Variants in THSD7B observed in about 807,000 individuals in gnomAD.
The protein encoded by THSD7B is thrombospondin type-1 domain-containing protein 7B.
In THSD7B, 138 loss-of-function variants were observed where a neutral mutation model predicts 213.6. That is an observed-to-expected ratio of 0.65 (90% CI 0.56 to 0.74). THSD7B has a LOEUF of 0.74. Among genes scored for constraint, THSD7B ranks in the 30% least tolerant of loss-of-function variants. THSD7B has a pLI of 0.00. For missense variants in THSD7B, 1,931 were observed against 1,991.5 expected (o/e 0.97, Z 0.58); for synonymous variants, 742 against 687.0 (o/e 1.08, Z -1.25).
At chr2:137,322,982 C>G (rs973586020) in intron 12 of THSD7B, among the ~76,000 whole-genome samples, 2 of 152,144 alleles carry the variant, frequency 1.3e-5, no homozygotes, top group Admixed American at 6.6e-5. Context: ...AAAGCTCTAT[C>G]GACAGGACAG....
At chr2:136,779,054 A>G (rs1681670759) in intron 1 of THSD7B, among the ~76,000 whole-genome samples, 1 of 152,218 alleles carries the variant, frequency 6.6e-6, no homozygotes, top group Non-Finnish European at 1.5e-5. Context: ...CAGAGCTGGC[A>G]TTAAGTTTAT....
At chr2:137,275,486 T>C (rs571782014) in intron 11 of THSD7B, among the ~76,000 whole-genome samples, 2 of 151,978 alleles carry the variant, frequency 1.3e-5, no homozygotes, top group Admixed American at 1.3e-4. Flanking sequence ...ACCTTTATTC[T>C]CTAACGCACC....
In THSD7B at chr2:137,497,335, C is replaced by T. The variant is rs138576636; in HGVS notation, c.3138+46312C>T. ...TTAATATAATTAACTTTTCTTTCAA[C>T]TACAGTCTGGTAAAATAATCGTAGA... is the stretch of plus-strand genomic sequence containing the variant. On this transcript the variant is annotated intron_variant, in intron 15 of 27. Transcript: ENST00000409968. 4.9e-3 allele frequency among the ~76,000 whole-genome samples: 741 copies of T among 152,116 alleles called. 5 individuals carry two copies. The highest frequency in any genetic ancestry group is 0.017 in the African/African-American group (705 of 41,496).
intron 1 of THSD7B, among the ~76,000 whole-genome samples, chr2:136,811,344 C>T (rs1682371853): frequency 6.6e-6 from 1 of 152,050 alleles, no homozygotes; most frequent in South Asian, 2.1e-4. Flanking sequence ...AAATTCACAG[C>T]ACATGGGAGG....
rs1183493717 is a variant in THSD7B at position 136,904,776 on chromosome 2, T to G, written c.139+22459T>G. Among the ~76,000 whole-genome samples the G allele has an allele frequency of 2.0e-5, 3 of 150,752 alleles. No homozygotes were observed. In the East Asian group the frequency reaches 5.9e-4, roughly 30 times the overall value. On this transcript the variant is annotated intron_variant, in intron 2 of 27. Coordinates refer to ENST00000409968, the MANE Select transcript of THSD7B (RefSeq NM_001316349.2). ...ATAATTCTGAAGGAAATGAAATAAG[T>G]TGGATAAAGAAGACAGAGAAATCTG... is the stretch of plus-strand genomic sequence containing the variant.
intron 12 of THSD7B, 145 bp downstream of exon 12, chr2:137,276,171 G>A (rs1682866150): frequency 4.6e-6 from 3 of 648,000 alleles, no homozygotes; most frequent in Non-Finnish European, 7.5e-6. Flanking sequence ...AATATAAATA[G>A]GATTTGGCAT....
intron 16 of THSD7B, among the ~76,000 whole-genome samples, chr2:137,570,639 T>C (rs1188402386): frequency 6.6e-6 from 1 of 152,216 alleles, no homozygotes; most frequent in African/African-American, 2.4e-5. Context: ...AGCGTATTGT[T>C]ATTAAAGTGC....
intron 13 of THSD7B, 60 bp downstream of exon 13, chr2:137,405,867 G>A (rs901582289): frequency 6.9e-7 from 1 of 1,457,334 alleles, no homozygotes; most frequent in Admixed American, 2.3e-5. Flanking sequence ...GATCTTTTGT[G>A]TAGAATATGA....
intron 15 of THSD7B, among the ~76,000 whole-genome samples, chr2:137,563,009 T>A (rs1436287023): frequency 1.3e-5 from 2 of 152,148 alleles, no homozygotes; most frequent in African/African-American, 2.4e-5. Context: ...CATGCCATCA[T>A]ATTTTAGTTG....
At chr2:136,938,339 A>G (rs56167922) in intron 2 of THSD7B, among the ~76,000 whole-genome samples, 15,477 of 152,260 alleles carry the variant, frequency 0.1, 1,023 homozygotes, top group East Asian at 0.16. Context: ...GGTAGAACCC[A>G]GAGACTGAGG....
At chr2:137,341,529 AATGTC>A (rs1407990189) in intron 12 of THSD7B, among the ~76,000 whole-genome samples, 2 of 151,624 alleles carry the variant, frequency 1.3e-5, no homozygotes, top group African/African-American at 2.4e-5. Flanking sequence ...TGCCTAGATC[AATGTC>A]ATGTAGTTTT....
chr2:137,610,761 A>AT (rs561485900), intron 17 of THSD7B, among the ~76,000 whole-genome samples: 3,072 of 150,000 alleles, frequency 0.02, 46 homozygotes, highest in Middle Eastern at 0.072. Context: ...TAAGAATCAC[A>AT]TTTTTTTTTG....
intron 20 of THSD7B, among the ~76,000 whole-genome samples, chr2:137,623,028 AAG>A (rs1307871966): frequency 1.1e-4 from 17 of 152,344 alleles, no homozygotes; most frequent in Non-Finnish European, 1.8e-4. Context: ...ACAACAAAAA[AAG>A]AGAATTTTAG....
intron 2 of THSD7B, among the ~76,000 whole-genome samples, chr2:137,021,409 G>A (rs1210650487): frequency 1.3e-5 from 2 of 152,078 alleles, no homozygotes. Context: ...ACCATTACCT[G>A]AACAGTGTGC....
intron 12 of THSD7B, among the ~76,000 whole-genome samples, chr2:137,282,873 G>T (rs1337751298): frequency 6.6e-6 from 1 of 152,172 alleles, no homozygotes; most frequent in Non-Finnish European, 1.5e-5. Flanking sequence ...ACTTAGGATT[G>T]ACTTGGCAAT....
At chr2:137,359,441 A>C (rs910901906) in intron 12 of THSD7B, among the ~76,000 whole-genome samples, 1 of 152,214 alleles carries the variant, frequency 6.6e-6, no homozygotes, top group Non-Finnish European at 1.5e-5. Flanking sequence ...GTAGAGGAAG[A>C]GGAGATGAAA....
At chr2:137,024,419 T>A (rs1363650238) in intron 2 of THSD7B, among the ~76,000 whole-genome samples, 1 of 152,162 alleles carries the variant, frequency 6.6e-6, no homozygotes, top group Non-Finnish European at 1.5e-5. Context: ...GCAAGGCTGC[T>A]TCGCTGAGGA....
At chr2:137,411,547 G>A in intron 13 of THSD7B, 62 bp from the exon 14 acceptor site, 1 of 1,432,062 alleles carries the variant, frequency 7.0e-7, no homozygotes, top group South Asian at 1.3e-5. Context: ...ACAAAAGTGT[G>A]AGTGACTTTT....
At chr2:137,162,903 G>T (rs1446889173) in intron 6 of THSD7B, among the ~76,000 whole-genome samples, 3 of 152,146 alleles carry the variant, frequency 2.0e-5, no homozygotes, top group Non-Finnish European at 2.9e-5. Flanking sequence ...GGGATTGCAG[G>T]CATGCGCCAC....
Sources: gnomAD v4.1 joint callset for allele counts (sites outside exome capture counted in the v4.1 genomes callset) on GRCh38, gnomAD v4.1.1 for gene constraint, MANE v1.5 for transcripts, NCBI Gene and HGNC (gene_info 2026-07-23, HGNC 2026-07-21) for gene names.